The following NLRP14 variants were observed in gnomAD, a reference collection of about 807,000 sequenced individuals.
NLRP14 encodes the protein NLR family pyrin domain containing 14, also known as NACHT, LRR and PYD domains-containing protein 14.
NLRP14 carries 105 observed loss-of-function variants against 94.7 expected under a neutral mutation model. The observed-to-expected ratio is 1.11, with a 90% CI of 0.95 to 1.30. NLRP14 has a LOEUF of 1.30. Ranked by LOEUF, NLRP14 falls within the 50% of genes most tolerant of loss-of-function variation. The pLI, the probability that NLRP14 is intolerant of heterozygous loss-of-function variation, is 0.00. For missense variants in NLRP14, 1,362 were observed against 1,254.1 expected, an observed-to-expected ratio of 1.09 and a Z score of -1.30; for synonymous variants, 508 against 459.9, an observed-to-expected ratio of 1.10 and a Z score of -1.34.
chr11:7,021,803 C>CTTTTT (rs1851944559), intron 1 of NLRP14, among the ~76,000 whole-genome samples: 1 of 150,148 alleles, frequency 6.7e-6, no homozygotes, highest in South Asian at 2.1e-4. Context: ...CATTAAAAAG[C>CTTTTT]AATGTATTTA....
At chr11:7,069,342 A>G (rs954704695) in intron 10 of NLRP14, among the ~76,000 whole-genome samples, 7 of 152,230 alleles carry the variant, frequency 4.6e-5, no homozygotes, top group African/African-American at 1.4e-4. Context: ...CAGTTGTTCA[A>G]TGGCCAGGTA....
intron 6 of NLRP14, among the ~76,000 whole-genome samples, chr11:7,053,889 TATTC>T (rs1852479614): frequency 1.3e-5 from 2 of 152,138 alleles, no homozygotes; most frequent in Admixed American, 6.6e-5. Flanking sequence ...TACTCAGTCT[TATTC>T]ATTATTTCTA....
intron 7 of NLRP14, 67 bp from the exon 8 acceptor site, chr11:7,058,213 T>C (rs12365546): frequency 0.016 from 21,133 of 1,360,570 alleles, 206 homozygotes; most frequent in Non-Finnish European, 0.019. Context: ...CTGATTTCCC[T>C]GTGAAGGAGA....
At chr11:7,051,837 G>T (rs1415927302) in intron 6 of NLRP14, among the ~76,000 whole-genome samples, 1 of 152,158 alleles carries the variant, frequency 6.6e-6, no homozygotes, top group Non-Finnish European at 1.5e-5. Flanking sequence ...TGGCCAGGAT[G>T]GTCTCGATCT....
intron 7 of NLRP14, 49 bp downstream of exon 7, chr11:7,057,896 T>C (rs1852542403): frequency 1.3e-6 from 2 of 1,489,868 alleles, no homozygotes; most frequent in South Asian, 2.3e-5. Flanking sequence ...CTTGGTTCTG[T>C]GTAGCTTAAT....
chr11:7,030,810 G>A (rs902734), intron 1 of NLRP14, among the ~76,000 whole-genome samples: 141,365 of 151,702 alleles, frequency 0.93, 66,562 homozygotes, highest in East Asian at 1. Context: ...CTTCAAAGCT[G>A]GGGTTCAATT....
Position 7,038,709 on chromosome 11 carries a change from G to A in NLRP14, c.123G>A (p.Glu41=), listed in dbSNP as rs373352761. 4.0e-5 allele frequency: 65 copies of A among 1,613,968 alleles called. No homozygotes were observed. Among genetic ancestry groups the A allele is most frequent in the Non-Finnish European group, 5.3e-5 (62 of 1,179,970 alleles). Residue 41 remains glutamate, a synonymous_variant, in exon 2 of 12, where the codon GAG becomes GAA. Transcript: ENST00000299481. The part of the protein sequence containing the change: ...KLFLKETMEP[E]HGLTPWNEVK... Reference sequence around the variant, plus strand: ...TCCTAAAGGAGACCATGGAACCTGAGCATGGCCTGACACCCTGGAATGAAG... The same window carrying A: ...TCCTAAAGGAGACCATGGAACCTGAACATGGCCTGACACCCTGGAATGAAG...
intron 5 of NLRP14, among the ~76,000 whole-genome samples, chr11:7,047,097 C>T (rs1852366228): frequency 6.6e-6 from 1 of 152,162 alleles, no homozygotes; most frequent in Non-Finnish European, 1.5e-5. Context: ...AGAGCTAAAA[C>T]ATTCTAGGCA....
chr11:7,045,389 G>A (rs1308934346), intron 4 of NLRP14, among the ~76,000 whole-genome samples: 1 of 152,112 alleles, frequency 6.6e-6, no homozygotes, highest in East Asian at 1.9e-4. Flanking sequence ...ATGTTGTAGA[G>A]TTATCTAGTA....
rs529929742 is a variant in NLRP14, at chr11:7,069,993, T to C, written c.2976-293T>C. 2.0e-5 allele frequency among the ~76,000 whole-genome samples: 3 copies of C among 152,328 alleles called. No individual in the cohort carries two copies. In the East Asian group the frequency reaches 5.8e-4, roughly 29 times the overall value. On this transcript the variant is annotated intron_variant, in intron 10 of 11. Coordinates refer to ENST00000299481, the MANE Select transcript of NLRP14 (RefSeq NM_176822.4). ...TCTAGTTATAGTGATGTATTTTTAG[T>C]GATGTTCAAGGATTCAACTGCTTCA...
chr11:7,038,535 G>A (rs2119597923), intron 1 of NLRP14, 31 bp from the exon 2 acceptor site: 3 of 1,532,182 alleles, frequency 2.0e-6, no homozygotes, highest in Middle Eastern at 2.2e-4. Flanking sequence ...TTTATTCCAT[G>A]TGCTTTTGGT....
At chr11:7,034,510 A>G (rs1169055468) in intron 1 of NLRP14, among the ~76,000 whole-genome samples, 1 of 152,184 alleles carries the variant, frequency 6.6e-6, no homozygotes, top group Admixed American at 6.5e-5. Context: ...CAATTGTAGT[A>G]GTTAATTCAA....
chr11:7,073,931 C>A (rs1242908172), downstream of NLRP14, among the ~76,000 whole-genome samples: 1 of 152,130 alleles, frequency 6.6e-6, no homozygotes, highest in African/African-American at 2.4e-5. Context: ...ATAAACTCAA[C>A]CTTCAGCATC....
intron 6 of NLRP14, among the ~76,000 whole-genome samples, chr11:7,053,325 C>G (rs1265859308): frequency 6.6e-6 from 1 of 151,542 alleles, no homozygotes; most frequent in Non-Finnish European, 1.5e-5. Flanking sequence ...AACAATATAG[C>G]CAAACAATGT....
chr11:7,055,432 C>T (rs956936026), intron 6 of NLRP14, among the ~76,000 whole-genome samples: 6 of 151,998 alleles, frequency 3.9e-5, no homozygotes, highest in Admixed American at 6.6e-5. Flanking sequence ...AAATAAATTA[C>T]GAAGTTCTTG....
chr11:7,037,503 C>T (rs1466653396), intron 1 of NLRP14, among the ~76,000 whole-genome samples: 3 of 152,104 alleles, frequency 2.0e-5, no homozygotes, highest in Non-Finnish European at 4.4e-5. Flanking sequence ...AGTTGAGTTC[C>T]AGCTGCATCA....
chr11:7,032,439 A>G (rs964727044), intron 1 of NLRP14, among the ~76,000 whole-genome samples: 1 of 152,136 alleles, frequency 6.6e-6, no homozygotes, highest in Admixed American at 6.5e-5. Flanking sequence ...TTCTGTATTT[A>G]GGATTTTTTT....
At chr11:7,079,455 C>T in the NLRP14 span, among the ~76,000 whole-genome samples, 4 of 152,176 alleles carry the variant, frequency 2.6e-5, no homozygotes, top group Middle Eastern at 3.2e-3. Flanking sequence ...TATCTGGTCA[C>T]GTAGAGAACA....
rs191167508 is a variant in NLRP14, at chr11:7,054,346, C to T, written c.2292-3331C>T. 1.4e-3 allele frequency among the ~76,000 whole-genome samples: 219 copies of T among 152,176 alleles called. 1 individual carries two copies. Among genetic ancestry groups the T allele is most frequent in the African/African-American group, 3.7e-3 (152 of 41,554 alleles). On this transcript the variant is annotated intron_variant, in intron 6 of 11. Coordinates refer to ENST00000299481, the MANE Select transcript of NLRP14 (RefSeq NM_176822.4). ...TCCACAGTGGAATTGCTGGATCATA[C>T]GGTAGCTCTAGTTTTGGTTTTTTTG...
Sources: gnomAD v4.1 joint callset for allele counts (sites outside exome capture counted in the v4.1 genomes callset) on GRCh38, gnomAD v4.1.1 for gene constraint, MANE v1.5 for transcripts, NCBI Gene and HGNC (gene_info 2026-07-23, HGNC 2026-07-21) for gene names.